Variants in CFAP299 observed in about 807,000 individuals in gnomAD.
CFAP299 encodes the protein cilia and flagella associated protein 299.
In CFAP299, 21 loss-of-function variants were observed where a neutral mutation model predicts 27.0. The ratio of observed to expected loss-of-function variants is 0.78; its 90% CI spans 0.55 to 1.12. The LOEUF is 1.12. Among genes scored for constraint, CFAP299 ranks in the 50% most tolerant of loss-of-function variants. The pLI is 0.00. For missense variants in CFAP299, 310 were observed against 276.6 expected, an observed-to-expected ratio of 1.12 and a Z score of -0.86; for synonymous variants, 104 against 98.1, an observed-to-expected ratio of 1.06 and a Z score of -0.36.
chr4:80,501,315 C>T (rs1283651312), intron 2 of CFAP299, among the ~76,000 whole-genome samples: 1 of 151,146 alleles, frequency 6.6e-6, no homozygotes, highest in Admixed American at 6.6e-5. Context: ...TAATTTTTTT[C>T]AGTAGTTGTT....
At chr4:80,575,243 T>C (rs903709532) in intron 2 of CFAP299, among the ~76,000 whole-genome samples, 25 of 152,146 alleles carry the variant, frequency 1.6e-4, no homozygotes, top group African/African-American at 5.3e-4. Flanking sequence ...TCCAATTTAT[T>C]GGCATAGAGT....
chr4:80,338,553 A>G (rs1578328541), intron 1 of CFAP299, among the ~76,000 whole-genome samples: 1 of 152,322 alleles, frequency 6.6e-6, no homozygotes, highest in Middle Eastern at 3.4e-3. Flanking sequence ...CAGTTGGACT[A>G]GATTATTCAA....
At chr4:80,358,609 G>A (rs1484934551) in intron 1 of CFAP299, among the ~76,000 whole-genome samples, 3 of 151,906 alleles carry the variant, frequency 2.0e-5, no homozygotes, top group Admixed American at 6.6e-5. Flanking sequence ...AATCTTTGTT[G>A]GTTTAGAGTC....
chr4:80,438,869 C>T (rs1379524608), intron 2 of CFAP299, among the ~76,000 whole-genome samples: 1 of 152,114 alleles, frequency 6.6e-6, no homozygotes, highest in Admixed American at 6.5e-5. Flanking sequence ...TTTTATGCTC[C>T]TCAGTCGATA....
chr4:80,829,672 T>A (rs908644849), intron 3 of CFAP299, among the ~76,000 whole-genome samples: 3 of 151,950 alleles, frequency 2.0e-5, no homozygotes, highest in Non-Finnish European at 4.4e-5. Flanking sequence ...ATGAAAACAA[T>A]CCAAGTGTTC....
chr4:80,559,258 G>A (rs1038809571), intron 2 of CFAP299, among the ~76,000 whole-genome samples: 8 of 143,176 alleles, frequency 5.6e-5, no homozygotes, highest in Non-Finnish European at 7.4e-5. Flanking sequence ...TTCTTGCATG[G>A]TAACTGGCTT....
rs367861006 is a variant in CFAP299, at chr4:80,599,128, TACAAAG to T, written c.333+15946_333+15951del. Among the ~76,000 whole-genome samples, 772 of 152,312 alleles carry T rather than the reference TACAAAG, an allele frequency of 5.1e-3. 5 individuals carry two copies. Among genetic ancestry groups the T allele is most frequent in the Middle Eastern group, 0.02 (6 of 294 alleles). ...ATGCATTTATTTCAGTTGCAGCATT[TACAAAG>T]TGTCTGTTTTATGCAGTGCACTGTT... On this transcript the variant is annotated intron_variant, in intron 3 of 5. Coordinates refer to ENST00000358105, the MANE Select transcript of CFAP299 (RefSeq NM_152770.3).
In CFAP299 at chr4:80,834,919, T is replaced by A. The variant is rs1056747417; in HGVS notation, c.334-35074T>A. Among the ~76,000 whole-genome samples the A allele has an allele frequency of 3.3e-5, 5 of 152,204 alleles. 1 individual carries two copies. The highest frequency in any genetic ancestry group is 1.3e-4 in the Admixed American group (2 of 15,284). On this transcript the variant is annotated intron_variant, in intron 3 of 5. Coordinates refer to ENST00000358105, the MANE Select transcript of CFAP299 (RefSeq NM_152770.3). Reference sequence around the variant, plus strand: ...TGTTCTCTTGTTCTGCATGTTTTTTTAAATTAGAACTGAAAATATTTGTTC... The same window carrying A: ...TGTTCTCTTGTTCTGCATGTTTTTTAAAATTAGAACTGAAAATATTTGTTC...
the CFAP299 span, among the ~76,000 whole-genome samples, chr4:80,324,885 G>A: frequency 6.6e-6 from 1 of 152,322 alleles, no homozygotes; most frequent in Admixed American, 6.5e-5. Context: ...CAATTTGGGA[G>A]GCCGAGGGGG....
At chr4:80,433,906 A>G (rs1228888600) in intron 2 of CFAP299, among the ~76,000 whole-genome samples, 1 of 152,190 alleles carries the variant, frequency 6.6e-6, no homozygotes, top group Non-Finnish European at 1.5e-5. Context: ...TCTGTTTGAG[A>G]TCATGTGTCA....
At chr4:80,535,909 T>C (rs1289728781) in intron 2 of CFAP299, among the ~76,000 whole-genome samples, 5 of 152,176 alleles carry the variant, frequency 3.3e-5, no homozygotes, top group African/African-American at 1.2e-4. Flanking sequence ...CTATATTTTG[T>C]AGAAAATACA....
chr4:80,576,563 T>C (rs78600577), intron 2 of CFAP299, among the ~76,000 whole-genome samples: 1,669 of 152,272 alleles, frequency 0.011, 32 homozygotes, highest in African/African-American at 0.036. Context: ...AATATAAATA[T>C]ATACAAATGG....
Position 80,582,308 on chromosome 4 carries a change from A to C in CFAP299, c.243-785A>C, listed in dbSNP as rs533515992. ...TATCACATGGTATGACATTATGTTT[A>C]TATATCTGGTTTATGTATCTGTTTA... On this transcript the variant is annotated intron_variant, in intron 2 of 5. Transcript: ENST00000358105. Among the ~76,000 whole-genome samples, 7 of 151,978 alleles carry C rather than the reference A, an allele frequency of 4.6e-5. 1 individual carries two copies. The highest frequency in any genetic ancestry group is 1.7e-4 in the African/African-American group (7 of 41,532).
At chr4:80,745,904 G>A (rs1724556838) in intron 3 of CFAP299, among the ~76,000 whole-genome samples, 1 of 152,042 alleles carries the variant, frequency 6.6e-6, no homozygotes, top group Non-Finnish European at 1.5e-5. Context: ...ACATCACCCA[G>A]TTGGGATTTG....
intron 2 of CFAP299, among the ~76,000 whole-genome samples, chr4:80,404,722 G>C (rs1560551608): frequency 6.6e-6 from 1 of 152,150 alleles, no homozygotes; most frequent in African/African-American, 2.4e-5. Flanking sequence ...TTTGGCCTTT[G>C]TGAATGATGC....
intron 3 of CFAP299, among the ~76,000 whole-genome samples, chr4:80,584,536 G>A (rs933278284): frequency 6.6e-6 from 1 of 151,994 alleles, no homozygotes; most frequent in African/African-American, 2.4e-5. Flanking sequence ...TTACAGAGCA[G>A]ATCAACCTGT....
intron 3 of CFAP299, among the ~76,000 whole-genome samples, chr4:80,672,117 T>A (rs901219531): frequency 2.0e-5 from 3 of 152,232 alleles, no homozygotes; most frequent in African/African-American, 7.2e-5. Flanking sequence ...TTTTGCCCAT[T>A]CAGTATAATA....
In CFAP299 at chr4:80,791,213, TA is replaced by T. The variant is rs150609456; in HGVS notation, c.334-78770del. On this transcript the variant is annotated intron_variant, in intron 3 of 5. Transcript: ENST00000358105. ...CAAGTCTCCTTTTGTTCCATGAAAA[TA>T]AAAAAAAAATCCCTATTATGGATAG... 9.0e-4 allele frequency among the ~76,000 whole-genome samples: 133 copies of T among 148,586 alleles called. 1 individual carries two copies. The highest frequency in any genetic ancestry group is 4.9e-3 in the South Asian group (23 of 4,706).
At chr4:80,904,476 T>C (rs1735083300) in intron 4 of CFAP299, among the ~76,000 whole-genome samples, 1 of 152,128 alleles carries the variant, frequency 6.6e-6, no homozygotes, top group South Asian at 2.1e-4. Context: ...AATTAGATAA[T>C]CTCAACTTTT....
Sources: allele counts gnomAD v4.1 joint callset (sites outside exome capture counted in the v4.1 genomes callset), GRCh38; gene constraint gnomAD v4.1.1; transcripts MANE v1.5; gene names NCBI Gene and HGNC (gene_info 2026-07-23, HGNC 2026-07-21).